Variants in PCDHGA2 observed in about 807,000 individuals in gnomAD.
PCDHGA2 encodes protocadherin gamma-A2.
PCDHGA2 carries 40 observed loss-of-function variants against 59.2 expected under a neutral mutation model. That is an observed-to-expected ratio of 0.68 (90% CI 0.52 to 0.88). PCDHGA2 has a LOEUF of 0.88. Among genes scored for constraint, PCDHGA2 ranks in the 40% least tolerant of loss-of-function variants. The probability of loss-of-function intolerance (pLI) is 0.00; values close to 1 mark genes in which losing one functional copy is unlikely to be tolerated. For missense variants in PCDHGA2, 1,226 were observed against 1,204.0 expected (o/e 1.02, Z -0.27); for synonymous variants, 560 against 526.0 (o/e 1.06, Z -0.89).
intron 1 of PCDHGA2, among the ~76,000 whole-genome samples, chr5:141,349,368 G>T (rs1197530727): frequency 1.3e-5 from 2 of 152,044 alleles, no homozygotes; most frequent in East Asian, 1.9e-4. Context: ...CCAGCCTAGA[G>T]TATTTAATAT....
intron 1 of PCDHGA2, chr5:141,350,650 C>T (rs374865865): frequency 1.9e-6 from 3 of 1,614,020 alleles, no homozygotes; most frequent in Non-Finnish European, 2.5e-6. Context: ...CACCACGTTT[C>T]GTTGCAAAAG....
intron 1 of PCDHGA2, chr5:141,409,727 G>A (rs1000014772): frequency 6.2e-7 from 1 of 1,613,158 alleles, no homozygotes; most frequent in South Asian, 1.1e-5. Context: ...GTCAGTGAGC[G>A]CGCAGAGCGG....
At chr5:141,468,597 T>C in intron 1 of PCDHGA2, 1 of 152,224 alleles carries the variant, frequency 6.6e-6, no homozygotes, top group East Asian at 1.9e-4. Context: ...CTGGGCGCGG[T>C]GGCTCACGCC....
intron 1 of PCDHGA2, among the ~76,000 whole-genome samples, chr5:141,447,984 G>C (rs1300057273): frequency 6.6e-6 from 1 of 151,952 alleles, no homozygotes; most frequent in African/African-American, 2.4e-5. Context: ...TACTCGGGAG[G>C]CTGAGGCATG....
At chr5:141,360,217 G>C (rs749014540) in intron 1 of PCDHGA2, 1 of 1,613,398 alleles carries the variant, frequency 6.2e-7, no homozygotes, top group Non-Finnish European at 8.5e-7. Flanking sequence ...GTTCCCCGGG[G>C]CTCTCCCAGT....
chr5:141,389,675 A>C, intron 1 of PCDHGA2: 1 of 1,612,412 alleles, frequency 6.2e-7, no homozygotes, highest in Non-Finnish European at 8.5e-7. Flanking sequence ...CAGACTCAGG[A>C]CACAACGCCT....
chr5:141,366,535 G>A (rs1463456881), intron 1 of PCDHGA2: 1 of 1,614,144 alleles, frequency 6.2e-7, no homozygotes, highest in Non-Finnish European at 8.5e-7. Flanking sequence ...TGGCGGGTGT[G>A]CCCGCCTCGC....
At position 141,487,100 on chromosome 5, in the gene PCDHGA2, C is replaced by T. The variant is rs183291629; in HGVS notation, c.2425-7707C>T. On this transcript the variant is annotated intron_variant, in intron 1 of 3. Coordinates refer to ENST00000394576, the MANE Select transcript of PCDHGA2 (RefSeq NM_018915.4). The surrounding 1 kb of genome is among the most constrained non-coding windows in gnomAD (Gnocchi z 5.0). ...CCCAGCTGACCTCCCACCACAGAAG[C>T]TGGTCATTGTGGTAAAGGATAGTGG... The T allele has an allele frequency of 5.6e-4, 909 of 1,614,074 alleles. 2 individuals carry two copies. Among genetic ancestry groups the T allele is most frequent in the Non-Finnish European group, 1.4e-4 (168 of 1,179,960 alleles).
intron 1 of PCDHGA2, chr5:141,374,822 T>C: frequency 6.2e-7 from 1 of 1,613,984 alleles, no homozygotes; most frequent in Non-Finnish European, 8.5e-7. Context: ...TCAGCCTGTC[T>C]ACCGTGTAAG....
intron 1 of PCDHGA2, among the ~76,000 whole-genome samples, chr5:141,454,607 T>C (rs1207742002): frequency 6.6e-6 from 1 of 151,574 alleles, no homozygotes; most frequent in Non-Finnish European, 1.5e-5. Flanking sequence ...GGTTTCTCCA[T>C]GTTGGTCAGG....
intron 1 of PCDHGA2, among the ~76,000 whole-genome samples, chr5:141,481,193 A>G (rs749746998): frequency 1.3e-5 from 2 of 152,216 alleles, no homozygotes; most frequent in Admixed American, 6.5e-5. Context: ...GCCAGGCCCA[A>G]TTTTTTTAAA....
intron 1 of PCDHGA2, chr5:141,418,042 G>A: frequency 6.2e-7 from 1 of 1,614,014 alleles, no homozygotes; most frequent in South Asian, 1.1e-5. Context: ...TCCTGGATGT[G>A]TCGGCTCGCG....
intron 1 of PCDHGA2, chr5:141,388,748 C>T: frequency 6.2e-7 from 1 of 1,613,928 alleles, no homozygotes; most frequent in Non-Finnish European, 8.5e-7. Flanking sequence ...GCCAGATCAC[C>T]CAATTTGACC....
intron 1 of PCDHGA2, chr5:141,423,323 C>T (rs200492485): frequency 6.2e-7 from 1 of 1,614,146 alleles, no homozygotes; most frequent in East Asian, 2.2e-5. Flanking sequence ...GTGGCGGTGG[C>T]CGCAGTCTCC....
intron 1 of PCDHGA2, chr5:141,394,928 C>T (rs2093129787): frequency 7.4e-6 from 12 of 1,613,838 alleles, no homozygotes; most frequent in Non-Finnish European, 1.0e-5. Context: ...GTGTCTTCCT[C>T]GCCTTTGTCG....
At chr5:141,374,731 T>G in intron 1 of PCDHGA2, 1 of 1,610,684 alleles carries the variant, frequency 6.2e-7, no homozygotes, top group Non-Finnish European at 8.5e-7. Flanking sequence ...CTGCCATGGA[T>G]GGCGGCGACC....
chr5:141,474,208 A>C (rs1243312558), intron 1 of PCDHGA2, among the ~76,000 whole-genome samples: 1 of 152,242 alleles, frequency 6.6e-6, no homozygotes, highest in Non-Finnish European at 1.5e-5. Context: ...TGATTTTCAA[A>C]AACCAGATTG....
chr5:141,434,861 T>C (rs1157640770), intron 1 of PCDHGA2, among the ~76,000 whole-genome samples: 1 of 151,998 alleles, frequency 6.6e-6, no homozygotes, highest in Non-Finnish European at 1.5e-5. Context: ...TAAATTTATA[T>C]ATATGTGACA....
chr5:141,365,347 C>T (rs762446364), intron 1 of PCDHGA2: 10 of 1,613,828 alleles, frequency 6.2e-6, no homozygotes, highest in East Asian at 2.2e-5. Context: ...CAGTACAGGA[C>T]GTGAATGACA....
Sources: gnomAD v4.1 joint callset for allele counts (sites outside exome capture counted in the v4.1 genomes callset) on GRCh38, gnomAD v4.1.1 for gene constraint, Gnocchi (gnomAD v3.1) non-coding constraint, MANE v1.5 for transcripts, NCBI Gene and HGNC (gene_info 2026-07-23, HGNC 2026-07-21) for gene names.